The following BNC2 variants were observed in gnomAD, a reference collection of about 807,000 sequenced individuals.
BNC2 encodes zinc finger protein basonuclin-2.
Under a neutral mutation model 76.3 loss-of-function variants are expected in BNC2, and 20 were observed. That is an observed-to-expected ratio of 0.26 (90% CI 0.18 to 0.38). The LOEUF is 0.38. Ranked by LOEUF, BNC2 falls within the 10% of genes least tolerant of loss-of-function variation. BNC2 has a pLI of 1.00. For missense variants in BNC2, 1,382 were observed against 1,399.8 expected (o/e 0.99, Z 0.20); for synonymous variants, 582 against 514.8 (o/e 1.13, Z -1.77).
intron 1 of BNC2, among the ~76,000 whole-genome samples, chr9:16,835,634 G>A (rs759045564): frequency 2.2e-4 from 34 of 152,174 alleles, no homozygotes; most frequent in Non-Finnish European, 4.0e-4. Context: ...CCTGGGAGGC[G>A]GAGGTTGCAG....
chr9:16,761,685 C>A (rs1825555993), intron 1 of BNC2, among the ~76,000 whole-genome samples: 1 of 152,138 alleles, frequency 6.6e-6, no homozygotes, highest in Non-Finnish European at 1.5e-5. Context: ...GATGTCTTTA[C>A]CAATTTATAT....
chr9:16,789,736 G>C (rs967021546), intron 1 of BNC2, among the ~76,000 whole-genome samples: 1 of 152,250 alleles, frequency 6.6e-6, no homozygotes, highest in Non-Finnish European at 1.5e-5. Flanking sequence ...TAATGGTCTT[G>C]TCTCTCACCA....
rs2118893011 is a variant in BNC2 at position 16,411,324 on chromosome 9, A to T, written c.*7665T>A. 1 of 152,778 alleles carries T rather than the reference A, an allele frequency of 6.5e-6. No homozygotes were observed. The highest frequency in any genetic ancestry group is 2.1e-4 in the South Asian group (1 of 4,826). 9.5% of individuals were successfully genotyped at this position (152,778 alleles called of 1,614,324 possible). A position where few individuals can be genotyped will look rare whatever the true frequency, so the allele number is the denominator to read the frequency against. ...GCACTTAGATACTCTCTCTTCAAGA[A>T]ATATACTTTCAATACTATCTACTTC... On this transcript the variant is annotated 3_prime_UTR_variant, in exon 7 of 7. Coordinates refer to ENST00000380672, the MANE Select transcript of BNC2 (RefSeq NM_017637.6).
chr9:16,528,626 A>T (rs576322449), intron 5 of BNC2, among the ~76,000 whole-genome samples: 1 of 152,238 alleles, frequency 6.6e-6, no homozygotes, highest in Admixed American at 6.5e-5. Flanking sequence ...ATGACCTGGC[A>T]ATTCTACTTC....
chr9:16,685,411 C>G, intron 3 of BNC2: 2 of 439,392 alleles, frequency 4.6e-6, no homozygotes, highest in Non-Finnish European at 4.5e-6. Flanking sequence ...GCTGCACATA[C>G]GCTACACTGG....
At position 16,452,734 on chromosome 9, in the gene BNC2, G is replaced by A. The variant is rs141072835; in HGVS notation, c.670-15210C>T. 8.5e-4 allele frequency among the ~76,000 whole-genome samples: 129 copies of A among 152,258 alleles called. 1 individual carries two copies. The Middle Eastern group carries it at 0.01, about 12-fold the overall frequency. ...AGAACCATTACAATTATAAATGTTC[G>A]TGGGCGCATACTTTCTTCCTTCATC... is the stretch of plus-strand genomic sequence containing the variant. On this transcript the variant is annotated intron_variant, in intron 5 of 6. Transcript: ENST00000380672.
intron 3 of BNC2, among the ~76,000 whole-genome samples, chr9:16,724,464 T>C (rs777478589): frequency 7.9e-4 from 120 of 152,174 alleles, no homozygotes; most frequent in Middle Eastern, 6.8e-3. Context: ...GAACTCCCTT[T>C]ACACAAGTGT....
intron 2 of BNC2, among the ~76,000 whole-genome samples, chr9:16,729,244 G>C (rs1168755936): frequency 6.6e-6 from 1 of 152,156 alleles, no homozygotes; most frequent in Non-Finnish European, 1.5e-5. Flanking sequence ...CTAAATTCAT[G>C]CCATCTCATA....
At chr9:16,584,433 T>C (rs1047000577) in intron 3 of BNC2, among the ~76,000 whole-genome samples, 2 of 152,172 alleles carry the variant, frequency 1.3e-5, no homozygotes, top group Non-Finnish European at 2.9e-5. Context: ...AAGTGTAAAA[T>C]ATTTCTCTTC....
Position 16,413,724 on chromosome 9 carries a change from G to T in BNC2, c.*5265C>A, listed in dbSNP as rs1169750062. ...GACTCGTCTGGGACAGATCAAACATGACCTTAGTACTAACGCAAACAAGAC... is the reference window on the plus strand; with the variant it reads ...GACTCGTCTGGGACAGATCAAACATTACCTTAGTACTAACGCAAACAAGAC... On this transcript the variant is annotated 3_prime_UTR_variant, in exon 7 of 7. Transcript: ENST00000380672. 4 of 152,164 alleles carry T rather than the reference G, an allele frequency of 2.6e-5. No homozygotes were observed. In the East Asian group the frequency reaches 7.7e-4, roughly 29 times the overall value. The allele number at this position is 152,164 out of a possible 1,614,324, so 9.4% of individuals were successfully genotyped here.
chr9:16,741,865 C>T (rs959179270), intron 1 of BNC2, among the ~76,000 whole-genome samples: 4 of 139,276 alleles, frequency 2.9e-5, no homozygotes, highest in African/African-American at 5.3e-5. Context: ...GGCTGAGGCA[C>T]GAGAATCGCT....
intron 5 of BNC2, among the ~76,000 whole-genome samples, 178 bp downstream of exon 5, chr9:16,552,352 G>A (rs1818688254): frequency 6.6e-6 from 1 of 152,172 alleles, no homozygotes; most frequent in African/African-American, 2.4e-5. Flanking sequence ...TACAGCCTGA[G>A]GCCCGATGGT....
chr9:16,637,337 G>A (rs1271412603), intron 3 of BNC2, among the ~76,000 whole-genome samples: 3 of 152,158 alleles, frequency 2.0e-5, no homozygotes, highest in Non-Finnish European at 2.9e-5. Flanking sequence ...GGAATTATGT[G>A]AGAGATGCAG....
chr9:16,503,106 CAG>C (rs1161889584), intron 5 of BNC2, among the ~76,000 whole-genome samples: 1 of 152,096 alleles, frequency 6.6e-6, no homozygotes, highest in East Asian at 1.9e-4. Context: ...CAGTTTGCTA[CAG>C]AGAGTATTTG....
At chr9:16,555,922 C>T (rs1818816381) in intron 4 of BNC2, among the ~76,000 whole-genome samples, 1 of 152,194 alleles carries the variant, frequency 6.6e-6, no homozygotes, top group African/African-American at 2.4e-5. Context: ...TTCTCTTTCA[C>T]ACCTATTCAC....
At chr9:16,650,327 T>A (rs1821759041) in intron 3 of BNC2, among the ~76,000 whole-genome samples, 1 of 152,224 alleles carries the variant, frequency 6.6e-6, no homozygotes, top group South Asian at 2.1e-4. Flanking sequence ...GCATTGTGTC[T>A]CAGTGTAGGC....
chr9:16,767,682 A>T (rs1413111503), intron 1 of BNC2, among the ~76,000 whole-genome samples: 1 of 152,166 alleles, frequency 6.6e-6, no homozygotes, highest in East Asian at 1.9e-4. Context: ...TTTATTTCAA[A>T]TTTTTATTAT....
chr9:16,844,580 C>T (rs545843963), intron 1 of BNC2, among the ~76,000 whole-genome samples: 21 of 148,906 alleles, frequency 1.4e-4, no homozygotes, highest in Non-Finnish European at 2.8e-4. Context: ...TCACTGCAAC[C>T]TCCGCCTACC....
intron 5 of BNC2, among the ~76,000 whole-genome samples, chr9:16,463,820 G>A (rs1403626597): frequency 6.6e-6 from 1 of 151,924 alleles, no homozygotes; most frequent in Non-Finnish European, 1.5e-5. Flanking sequence ...ACTTTGGGAG[G>A]CCCGGTGGCT....
Sources: allele counts gnomAD v4.1 joint callset (sites outside exome capture counted in the v4.1 genomes callset), GRCh38; gene constraint gnomAD v4.1.1; transcripts MANE v1.5; gene names NCBI Gene and HGNC (gene_info 2026-07-23, HGNC 2026-07-21).